Variants in STK32A observed in about 807,000 individuals in gnomAD.
STK32A encodes the protein serine/threonine-protein kinase 32A.
A neutral mutation model predicts 53.2 loss-of-function variants in STK32A; 41 were observed. The observed-to-expected ratio is 0.77, with a 90% CI of 0.60 to 1.00. The LOEUF is 1.00. STK32A is among the 50% of genes least tolerant of loss of function. The pLI is 0.00. For synonymous variants in STK32A, 166 were observed against 162.8 expected (o/e 1.02, Z -0.15); for missense variants, 458 against 485.8 (o/e 0.94, Z 0.54).
At chr5:147,236,349 T>C (rs940629496) in intron 1 of STK32A, among the ~76,000 whole-genome samples, 1 of 152,154 alleles carries the variant, frequency 6.6e-6, no homozygotes, top group Non-Finnish European at 1.5e-5. Context: ...TCATGGATGG[T>C]AGCTGTCCTC....
chr5:147,381,253 TG>T (rs1332623650), intron 11 of STK32A, among the ~76,000 whole-genome samples: 1 of 152,222 alleles, frequency 6.6e-6, no homozygotes, highest in African/African-American at 2.4e-5. Flanking sequence ...CCAAAGTTTC[TG>T]ATAAGAAATC....
chr5:147,398,560 G>A, the STK32A span, among the ~76,000 whole-genome samples: 1,410 of 152,258 alleles, frequency 9.3e-3, 26 homozygotes, highest in African/African-American at 0.032. Context: ...TGTCGAGCCC[G>A]TTTCTGTTAG....
intron 2 of STK32A, among the ~76,000 whole-genome samples, chr5:147,244,656 T>C (rs1274827001): frequency 6.6e-6 from 1 of 152,194 alleles, no homozygotes; most frequent in African/African-American, 2.4e-5. Flanking sequence ...ACTAATTATA[T>C]GGTGTTCTAA....
chr5:147,266,043 A>G (rs1384036492), intron 2 of STK32A, among the ~76,000 whole-genome samples: 2 of 152,220 alleles, frequency 1.3e-5, no homozygotes, highest in South Asian at 4.1e-4. Context: ...CTGACCAGGT[A>G]TACGGTAGAC....
At chr5:147,268,311 C>G (rs1004857810) in intron 2 of STK32A, among the ~76,000 whole-genome samples, 1 of 152,162 alleles carries the variant, frequency 6.6e-6, no homozygotes. Context: ...TTGCAACATT[C>G]TTCTGAGGTT....
chr5:147,369,819 C>CT (rs1436918887), intron 8 of STK32A, among the ~76,000 whole-genome samples: 1 of 152,014 alleles, frequency 6.6e-6, no homozygotes, highest in African/African-American at 2.4e-5. Context: ...TATTGTGCAC[C>CT]TACTGAATGC....
rs1754064987 is a variant in STK32A, at chr5:147,317,509, G to A, written c.261-6389G>A. Among the ~76,000 whole-genome samples the A allele has an allele frequency of 2.0e-5, 3 of 151,758 alleles. No individual in the cohort carries two copies. The South Asian group carries it at 6.2e-4, about 32-fold the overall frequency. On this transcript the variant is annotated intron_variant, in intron 4 of 12. Transcript: ENST00000397936. Reference sequence around the variant, plus strand: ...TGCCCAGCTAATTTTTGTATTTTTAGTAGAGACGGGTTTCACCATGTTGGT... The same window carrying A: ...TGCCCAGCTAATTTTTGTATTTTTAATAGAGACGGGTTTCACCATGTTGGT...
At chr5:147,368,378 T>G (rs933390535) in intron 8 of STK32A, among the ~76,000 whole-genome samples, 1 of 152,208 alleles carries the variant, frequency 6.6e-6, no homozygotes, top group African/African-American at 2.4e-5. Flanking sequence ...GATGCTGCCT[T>G]AGGCTTTTAT....
chr5:147,350,159 GC>G (rs369373615), intron 6 of STK32A, among the ~76,000 whole-genome samples: 1 of 60,034 alleles, frequency 1.7e-5, no homozygotes, highest in African/African-American at 7.0e-5. Context: ...GTTAAACCCC[GC>G]CCCCCACCCA....
chr5:147,264,341 T>C (rs558617039), intron 2 of STK32A, among the ~76,000 whole-genome samples: 1 of 152,234 alleles, frequency 6.6e-6, no homozygotes, highest in Admixed American at 6.5e-5. Context: ...CCAGACTGGA[T>C]TATGTCTGAG....
intron 4 of STK32A, among the ~76,000 whole-genome samples, chr5:147,312,280 T>C (rs10476886): frequency 0.04 from 6,137 of 152,202 alleles, 441 homozygotes; most frequent in African/African-American, 0.14. Context: ...TTTTTTGTAT[T>C]TGTAGTAGAG....
the STK32A span, chr5:147,395,522 C>G: frequency 6.3e-7 from 1 of 1,580,436 alleles, no homozygotes; most frequent in East Asian, 2.3e-5. Flanking sequence ...TTCCCCTTCC[C>G]CCTTCTCTTA....
intron 2 of STK32A, among the ~76,000 whole-genome samples, chr5:147,264,293 C>A (rs12186725): frequency 0.28 from 42,842 of 151,942 alleles, 6,286 homozygotes; most frequent in Admixed American, 0.35. Context: ...TGAAGGGAAT[C>A]CCAGGAAGAC....
At chr5:147,338,200 TG>T (rs888219503) in intron 5 of STK32A, among the ~76,000 whole-genome samples, 1 of 152,108 alleles carries the variant, frequency 6.6e-6, no homozygotes, top group Admixed American at 6.5e-5. Context: ...AATTGAGTCA[TG>T]GGGGTGGGTT....
intron 2 of STK32A, among the ~76,000 whole-genome samples, chr5:147,249,211 AT>A (rs59437770): frequency 6.7e-5 from 10 of 150,174 alleles, no homozygotes; most frequent in South Asian, 2.1e-4. Flanking sequence ...TGGAAATAGA[AT>A]TTTTTTTTTA....
chr5:147,249,739 C>T lies in STK32A; in HGVS notation c.52+10053C>T, dbSNP rs140516193. Among the ~76,000 whole-genome samples, 944 of 151,702 alleles carry T rather than the reference C, an allele frequency of 6.2e-3. 11 individuals are homozygous for T. Among genetic ancestry groups the T allele is most frequent in the African/African-American group, 0.022 (908 of 41,334 alleles). ...ACCAGCCTGGCCAACATGGTGAAAC[C>T]TTGACTCTACTAAAAATACAAAAAT... On this transcript the variant is annotated intron_variant, in intron 2 of 12. Coordinates refer to ENST00000397936, the MANE Select transcript of STK32A (RefSeq NM_001112724.2).
intron 2 of STK32A, among the ~76,000 whole-genome samples, chr5:147,265,775 T>C (rs534735469): frequency 3.4e-4 from 52 of 152,290 alleles, no homozygotes; most frequent in African/African-American, 1.2e-3. Context: ...AGCTTCTTTA[T>C]CTTCTTGGTG....
At chr5:147,401,454 G>C in the STK32A span, 1 of 1,432,388 alleles carries the variant, frequency 7.0e-7, no homozygotes, top group Non-Finnish European at 9.3e-7. Context: ...CAAGTTTATA[G>C]ATGGGACTGC....
intron 7 of STK32A, among the ~76,000 whole-genome samples, chr5:147,353,709 G>A (rs1336175224): frequency 6.6e-6 from 1 of 152,166 alleles, no homozygotes; most frequent in African/African-American, 2.4e-5. Context: ...GCAGTGAGCC[G>A]AGACTGTGTC....
Sources: gnomAD v4.1 joint callset for allele counts (sites outside exome capture counted in the v4.1 genomes callset) on GRCh38, gnomAD v4.1.1 for gene constraint, MANE v1.5 for transcripts, NCBI Gene and HGNC (gene_info 2026-07-23, HGNC 2026-07-21) for gene names.